Variants in FMN2 observed in about 807,000 individuals in gnomAD.
FMN2 encodes the protein formin 2.
FMN2 carries 51 observed loss-of-function variants against 142.3 expected under a neutral mutation model. That is an observed-to-expected ratio of 0.36 (90% CI 0.29 to 0.45). FMN2 has a LOEUF of 0.45. Among genes scored for constraint, FMN2 ranks in the 20% least tolerant of loss-of-function variants. The probability of loss-of-function intolerance (pLI) is 1.00; values close to 1 mark genes in which losing one functional copy is unlikely to be tolerated. For missense variants in FMN2, 1,936 were observed against 2,122.8 expected, an observed-to-expected ratio of 0.91 and a Z score of 1.73; for synonymous variants, 882 against 869.8, an observed-to-expected ratio of 1.01 and a Z score of -0.25.
At chr1:240,345,949 G>T (rs908100351) in intron 13 of FMN2, among the ~76,000 whole-genome samples, 2 of 152,164 alleles carry the variant, frequency 1.3e-5, no homozygotes, top group African/African-American at 4.8e-5. Context: ...ATAGCTGAGT[G>T]AATTATGGTA....
intron 15 of FMN2, among the ~76,000 whole-genome samples, chr1:240,425,403 A>G (rs1407564086): frequency 6.6e-6 from 1 of 152,186 alleles, no homozygotes; most frequent in Non-Finnish European, 1.5e-5. Flanking sequence ...CAGCTAGCCA[A>G]AAGTAAAGTA....
chr1:240,092,766 A>G lies in FMN2; in HGVS notation c.657A>G (p.Gln219=), dbSNP rs761505012. 7 of 1,609,676 alleles carry G rather than the reference A, an allele frequency of 4.3e-6. No homozygotes were observed. Among genetic ancestry groups the G allele is most frequent in the African/African-American group, 2.7e-5 (2 of 74,926 alleles). ...QQQQLQLQLQ[Q]QQQQQQLQGA... ...AGCAGCTCCAGCTCCAGCTCCAGCA[A>G]CAGCAGCAGCAGCAGCAGCTCCAGG... Residue 219 remains glutamine, a synonymous_variant, in exon 1 of 18, where the codon CAA becomes CAG. Coordinates refer to ENST00000319653, the MANE Select transcript of FMN2 (RefSeq NM_020066.5).
At chr1:240,456,072 G>C (rs1023535495) in intron 16 of FMN2, among the ~76,000 whole-genome samples, 1 of 151,966 alleles carries the variant, frequency 6.6e-6, no homozygotes, top group Non-Finnish European at 1.5e-5. Flanking sequence ...ATCACTAGTA[G>C]TCATGTGTCA....
At chr1:240,183,243 T>G (rs1462129855) in intron 3 of FMN2, among the ~76,000 whole-genome samples, 1 of 151,896 alleles carries the variant, frequency 6.6e-6, no homozygotes, top group East Asian at 1.9e-4. Flanking sequence ...TCAAATGTTT[T>G]AACATAAGTT....
intron 8 of FMN2, among the ~76,000 whole-genome samples, chr1:240,319,474 C>T (rs10926213): frequency 2.0e-5 from 3 of 151,822 alleles, no homozygotes; most frequent in Admixed American, 6.6e-5. Context: ...AAGGAATGCT[C>T]TTAAACAAAA....
At chr1:240,191,671 A>G (rs1189161355) in intron 4 of FMN2, among the ~76,000 whole-genome samples, 1 of 152,220 alleles carries the variant, frequency 6.6e-6, no homozygotes, top group Non-Finnish European at 1.5e-5. Flanking sequence ...TATTTTATCT[A>G]AGAACATTTG....
At chr1:240,418,903 T>C (rs1378307201) in intron 15 of FMN2, among the ~76,000 whole-genome samples, 1 of 152,086 alleles carries the variant, frequency 6.6e-6, no homozygotes, top group Non-Finnish European at 1.5e-5. Flanking sequence ...GGTCAGGAGT[T>C]CGAGACCAGC....
chr1:240,281,321 G>T (rs535810164), intron 7 of FMN2, among the ~76,000 whole-genome samples: 19 of 152,204 alleles, frequency 1.2e-4, no homozygotes, highest in African/African-American at 4.6e-4. Context: ...TGTTCAAAAA[G>T]AGAAGATAGT....
chr1:240,334,065 G>A (rs1671475957), intron 12 of FMN2, 44 bp from the exon 13 acceptor site: 1 of 1,569,214 alleles, frequency 6.4e-7, no homozygotes, highest in Non-Finnish European at 8.6e-7. Context: ...TTTTTATATT[G>A]ATAACCAATT....
intron 3 of FMN2, among the ~76,000 whole-genome samples, chr1:240,186,000 G>T (rs749405171): frequency 5.3e-5 from 8 of 152,192 alleles, no homozygotes; most frequent in African/African-American, 7.2e-5. Flanking sequence ...TAAGAGAAAA[G>T]AATCCATTTT....
rs1023637393 is a variant in FMN2, at chr1:240,475,183, C to T, written c.*1029C>T. 1 of 152,198 alleles carries T rather than the reference C, an allele frequency of 6.6e-6. No homozygotes were observed. The highest frequency in any genetic ancestry group is 1.5e-5 in the Non-Finnish European group (1 of 67,978). The allele number at this position is 152,198 out of a possible 1,614,324, so 9.4% of individuals were successfully genotyped here. A position where few individuals can be genotyped will look rare whatever the true frequency, so the allele number is the denominator to read the frequency against. Reference sequence around the variant, plus strand: ...AATAATAAAAGAATAAAGATACTTGCAAAAGACAGCTGTCATATTTAACAT... The same window carrying T: ...AATAATAAAAGAATAAAGATACTTGTAAAAGACAGCTGTCATATTTAACAT... On this transcript the variant is annotated 3_prime_UTR_variant, in exon 18 of 18. Coordinates refer to ENST00000319653, the MANE Select transcript of FMN2 (RefSeq NM_020066.5).
At chr1:240,393,023 C>T (rs1180775361) in intron 15 of FMN2, among the ~76,000 whole-genome samples, 2 of 152,108 alleles carry the variant, frequency 1.3e-5, no homozygotes, top group Non-Finnish European at 2.9e-5. Flanking sequence ...GCTTTTCTGC[C>T]TCCATTTTCT....
At chr1:240,144,580 C>G in intron 2 of FMN2, 1 of 1,378,932 alleles carries the variant, frequency 7.3e-7, no homozygotes, top group Non-Finnish European at 1.0e-6. Flanking sequence ...GTGCCAATCT[C>G]AGAGCTTTAG....
intron 15 of FMN2, among the ~76,000 whole-genome samples, chr1:240,399,497 A>G (rs1673899828): frequency 6.6e-6 from 1 of 152,162 alleles, no homozygotes; most frequent in Non-Finnish European, 1.5e-5. Flanking sequence ...ATTACGTCTT[A>G]TGGGAGCCGC....
At chr1:240,385,264 T>C (rs1661044686) in intron 14 of FMN2, among the ~76,000 whole-genome samples, 1 of 152,326 alleles carries the variant, frequency 6.6e-6, no homozygotes, top group African/African-American at 2.4e-5. Context: ...AGCTCAGCCC[T>C]AATGCGTGTA....
rs534158931 is a variant in FMN2, at chr1:240,208,495, C to T, written c.3683C>T (p.Pro1228Leu). 2.1e-5 allele frequency: 34 copies of T among 1,611,262 alleles called. No homozygotes were observed. The African/African-American group carries it at 3.4e-4, about 16-fold the overall frequency. The stretch of plus-strand genomic sequence containing the variant: ...GCTCCAGCTCCCCCACTCCCTCCAC[C>T]TGGGACAGGAATCCCACCGCCCCCT... ...PPAPAPPLPP[P>L]GTGIPPPPLL... The change falls in exon 5 of 18, where the codon CCT (proline) becomes CTT (leucine). Residue 1228 changes from proline (P) to leucine (L), a missense_variant. By Grantham distance (98) the Pro-to-Leu change is moderately conservative. Coordinates refer to ENST00000319653, the MANE Select transcript of FMN2 (RefSeq NM_020066.5).
At chr1:240,415,834 A>G (rs1674559360) in intron 15 of FMN2, among the ~76,000 whole-genome samples, 1 of 152,204 alleles carries the variant, frequency 6.6e-6, no homozygotes, top group South Asian at 2.1e-4. Context: ...ATTAAGATAC[A>G]TCCCTGTCCT....
intron 15 of FMN2, among the ~76,000 whole-genome samples, chr1:240,433,081 A>AT (rs1263146993): frequency 6.6e-6 from 1 of 152,002 alleles, no homozygotes; most frequent in Non-Finnish European, 1.5e-5. Flanking sequence ...TTCGATGATG[A>AT]TTTTTCCTCT....
At chr1:240,435,486 ATATATT>A (rs774082229) in intron 15 of FMN2, among the ~76,000 whole-genome samples, 1 of 151,620 alleles carries the variant, frequency 6.6e-6, no homozygotes. Context: ...TTTAGGAAAT[ATATATT>A]TATATTTATT....
Sources: allele counts gnomAD v4.1 joint callset (sites outside exome capture counted in the v4.1 genomes callset), GRCh38; gene constraint gnomAD v4.1.1; transcripts MANE v1.5; gene names NCBI Gene and HGNC (gene_info 2026-07-23, HGNC 2026-07-21).